SLC39A9: variants seen among roughly 807,000 people sequenced by gnomAD.
SLC39A9 encodes zinc transporter ZIP9.
In SLC39A9, 14 loss-of-function variants were observed where a neutral mutation model predicts 28.4. That is an observed-to-expected ratio of 0.49 (90% CI 0.33 to 0.77). The LOEUF (loss-of-function observed/expected upper bound fraction) is 0.77. Among genes scored for constraint, SLC39A9 ranks in the 30% least tolerant of loss-of-function variants. The pLI is 0.02. For synonymous variants in SLC39A9, 119 were observed against 149.6 expected (o/e 0.80, Z 1.49); for missense variants, 283 against 381.1 (o/e 0.74, Z 2.14).
intron 1 of SLC39A9, among the ~76,000 whole-genome samples, chr14:69,418,769 C>T (rs1883716310): frequency 6.6e-6 from 1 of 152,178 alleles, no homozygotes; most frequent in African/African-American, 2.4e-5. Flanking sequence ...TTATCCATGT[C>T]TTCTAGATTT....
At position 69,458,523 on chromosome 14, in the gene SLC39A9, G is replaced by T. The variant is rs376565540; in HGVS notation, c.854G>T (p.Arg285Leu). The T allele has an allele frequency of 9.3e-6, 15 of 1,614,078 alleles. No homozygotes were observed. Among genetic ancestry groups the T allele is most frequent in the South Asian group, 8.8e-5 (8 of 91,082 alleles). The change falls in exon 7 of 7, where the codon CGC (arginine) becomes CTC (leucine). Residue 285 changes from arginine to leucine, a missense_variant. Physicochemically the swap from Arg to Leu is moderately radical, Grantham distance 102. Coordinates refer to ENST00000336643, the MANE Select transcript of SLC39A9 (RefSeq NM_018375.5). ...GCCACGGGAGGGAGAGGCCTCAGCC[G>T]CCTGGAAGTGGCAGCCCTGGTTCTG... Reference protein sequence around the residue: ...PDATGGRGLSRLEVAALVLGC... With the variant: ...PDATGGRGLSLLEVAALVLGC...
chr14:69,411,352 AG>A (rs1332432552), intron 1 of SLC39A9, among the ~76,000 whole-genome samples: 1 of 152,220 alleles, frequency 6.6e-6, no homozygotes, highest in African/African-American at 2.4e-5. Flanking sequence ...CTGACTTCAA[AG>A]CTTGTGCTGA....
intron 3 of SLC39A9, among the ~76,000 whole-genome samples, chr14:69,446,148 G>T (rs576770644): frequency 1.3e-4 from 20 of 152,082 alleles, no homozygotes; most frequent in Non-Finnish European, 7.4e-5. Flanking sequence ...GGTTCTAAGT[G>T]TGGAAGAAGG....
At position 69,460,649 on chromosome 14, in the gene SLC39A9, A is replaced by G; in HGVS notation, c.*2056A>G. The stretch of plus-strand genomic sequence containing the variant: ...CCTCTTTCAGCAGTGCCTTGCCATC[A>G]TGCTTAAAAGTTTGGCTAGTATATC... On this transcript the variant is annotated 3_prime_UTR_variant, in exon 7 of 7. Transcript: ENST00000336643. The G allele has an allele frequency of 1.0e-6, 1 of 985,436 alleles. No homozygotes were observed. The highest frequency in any genetic ancestry group is 4.7e-5 in the South Asian group (1 of 21,282). The allele number at this position is 985,436 out of a possible 1,614,324, so 61.0% of individuals were successfully genotyped here.
At chr14:69,425,064 G>A (rs918362761) in intron 2 of SLC39A9, among the ~76,000 whole-genome samples, 9 of 152,188 alleles carry the variant, frequency 5.9e-5, no homozygotes, top group African/African-American at 1.7e-4. Context: ...ATATAAATGA[G>A]GATTGCAGAA....
chr14:69,457,175 C>T (rs6573885), intron 6 of SLC39A9, among the ~76,000 whole-genome samples: 1 of 150,598 alleles, frequency 6.6e-6, no homozygotes, highest in Non-Finnish European at 1.5e-5. Flanking sequence ...ATGAGATATA[C>T]ATATATATAC....
intron 2 of SLC39A9, among the ~76,000 whole-genome samples, chr14:69,438,508 T>C (rs770853829): frequency 2.0e-5 from 3 of 152,204 alleles, no homozygotes; most frequent in Non-Finnish European, 2.9e-5. Context: ...TATTAAATAC[T>C]AATTAATGTA....
At chr14:69,400,430 T>G (rs889338854) in intron 1 of SLC39A9, among the ~76,000 whole-genome samples, 2 of 152,190 alleles carry the variant, frequency 1.3e-5, no homozygotes, top group Non-Finnish European at 2.9e-5. Context: ...TGATAGGTCC[T>G]TTAGGTAGGC....
In SLC39A9 at chr14:69,424,165, T is replaced by C. The variant is rs1884058913; in HGVS notation, c.168T>C (p.Pro56=). The C allele has an allele frequency of 2.5e-6, 4 of 1,613,692 alleles. No individual in the cohort carries two copies. Among genetic ancestry groups the C allele is most frequent in the African/African-American group, 2.7e-5 (2 of 74,922 alleles). ...LCGTALAVIV[P]EGVHALYEDI... is the part of the protein sequence containing the mutation. ...GAACTGCTCTGGCAGTCATCGTGCC[T>C]GAAGGAGTACATGCCCTTTATGAAG... Residue 56 remains proline, a synonymous_variant, in exon 2 of 7, where the codon CCT becomes CCC. Transcript: ENST00000336643.
At chr14:69,427,422 C>T (rs781272835) in intron 2 of SLC39A9, among the ~76,000 whole-genome samples, 4 of 152,108 alleles carry the variant, frequency 2.6e-5, no homozygotes, top group Non-Finnish European at 5.9e-5. Context: ...AGCCCTAAGT[C>T]ATTTAAATTT....
chr14:69,452,625 C>T (rs1475641329), intron 3 of SLC39A9, among the ~76,000 whole-genome samples: 4 of 152,002 alleles, frequency 2.6e-5, no homozygotes, highest in Non-Finnish European at 4.4e-5. Context: ...CTACTGTGCC[C>T]GGCCAAGGGT....
chr14:69,405,086 C>G (rs1882842174), intron 1 of SLC39A9, among the ~76,000 whole-genome samples: 1 of 152,154 alleles, frequency 6.6e-6, no homozygotes, highest in Non-Finnish European at 1.5e-5. Flanking sequence ...CGTGAGAACT[C>G]ACTGTCACAA....
At chr14:69,401,643 G>A (rs976091996) in intron 1 of SLC39A9, among the ~76,000 whole-genome samples, 3 of 152,080 alleles carry the variant, frequency 2.0e-5, no homozygotes, top group Non-Finnish European at 4.4e-5. Flanking sequence ...ATGTTTACAG[G>A]AGTGGTGTTA....
intron 2 of SLC39A9, chr14:69,441,751 C>A: frequency 9.8e-7 from 1 of 1,018,904 alleles, no homozygotes; most frequent in Non-Finnish European, 1.2e-6. Context: ...ATGAATTTCT[C>A]AGATAAAGGA....
At chr14:69,399,492 C>G in intron 1 of SLC39A9, 27 bp downstream of exon 1, 1 of 1,589,936 alleles carries the variant, frequency 6.3e-7, no homozygotes, top group Non-Finnish European at 8.6e-7. Context: ...TTTCTGTCAG[C>G]TGTCAGGATG....
At chr14:69,401,813 T>G (rs574018371) in intron 1 of SLC39A9, among the ~76,000 whole-genome samples, 1 of 152,324 alleles carries the variant, frequency 6.6e-6, no homozygotes, top group East Asian at 1.9e-4. Context: ...CATTTTGAGC[T>G]ATTAGAATAA....
intron 1 of SLC39A9, among the ~76,000 whole-genome samples, chr14:69,417,052 T>C (rs1261090987): frequency 6.6e-6 from 1 of 152,260 alleles, no homozygotes; most frequent in African/African-American, 2.4e-5. Context: ...TGCCCATGCC[T>C]ATGTTCTGAA....
At chr14:69,411,792 T>TCAAG (rs1458516585) in intron 1 of SLC39A9, among the ~76,000 whole-genome samples, 1 of 151,160 alleles carries the variant, frequency 6.6e-6, no homozygotes, top group African/African-American at 2.4e-5. Flanking sequence ...TTTTTTTTTT[T>TCAAG]TTTTTTTTGA....
At chr14:69,411,076 A>G (rs1422770120) in intron 1 of SLC39A9, among the ~76,000 whole-genome samples, 1 of 151,926 alleles carries the variant, frequency 6.6e-6, no homozygotes, top group Admixed American at 6.6e-5. Flanking sequence ...GCTGGGCATG[A>G]TGGCACATGC....
Sources: allele counts gnomAD v4.1 joint callset (sites outside exome capture counted in the v4.1 genomes callset), GRCh38; gene constraint gnomAD v4.1.1; transcripts MANE v1.5; gene names NCBI Gene and HGNC (gene_info 2026-07-23, HGNC 2026-07-21).